The following ANO4 variants were observed in gnomAD, a reference collection of about 807,000 sequenced individuals.
ANO4 encodes anoctamin-4.
ANO4 carries 69 observed loss-of-function variants against 141.9 expected under a neutral mutation model. That is an observed-to-expected ratio of 0.49 (90% CI 0.40 to 0.59). The LOEUF is 0.59. Among genes scored for constraint, ANO4 ranks in the 20% least tolerant of loss-of-function variants. ANO4 has a pLI of 0.00. For missense variants in ANO4, 894 were observed against 1,162.2 expected, an observed-to-expected ratio of 0.77 and a Z score of 3.36; for synonymous variants, 350 against 394.3, an observed-to-expected ratio of 0.89 and a Z score of 1.33.
chr12:100,825,771 TCCTG>T, intron 1 of ANO4, among the ~76,000 whole-genome samples: 3 of 152,216 alleles, frequency 2.0e-5, no homozygotes, highest in African/African-American at 7.2e-5. Context: ...TTAAAAATAT[TCCTG>T]CATATATCTT....
chr12:101,075,098 CA>C (rs1433081443), intron 14 of ANO4, among the ~76,000 whole-genome samples: 1 of 152,092 alleles, frequency 6.6e-6, no homozygotes, highest in Admixed American at 6.6e-5. Context: ...AGGGATGATT[CA>C]GGGGGCGTAG....
At chr12:101,066,973 T>A (rs2048615900) in intron 14 of ANO4, 2 of 677,450 alleles carry the variant, frequency 3.0e-6, no homozygotes, top group Non-Finnish European at 5.5e-6. Flanking sequence ...ACACTCTTCA[T>A]GTACCCTAGA....
At chr12:100,789,946 G>GA (rs1427281903), upstream of ANO4, among the ~76,000 whole-genome samples, 3 of 152,256 alleles carry the variant, frequency 2.0e-5, no homozygotes, top group East Asian at 1.9e-4. Context: ...AAAAAGACGA[G>GA]AAAAAACACT....
chr12:100,898,805 A>G (rs1409762170), intron 1 of ANO4, among the ~76,000 whole-genome samples: 1 of 152,222 alleles, frequency 6.6e-6, no homozygotes, highest in Non-Finnish European at 1.5e-5. Flanking sequence ...TCAGGAGAGC[A>G]GTCTATTTCA....
At chr12:100,826,656 C>G (rs10507118) in intron 1 of ANO4, among the ~76,000 whole-genome samples, 19,004 of 151,992 alleles carry the variant, frequency 0.13, 1,257 homozygotes, top group South Asian at 0.17. Context: ...GTAAATACAA[C>G]TTGTGAATTT....
intron 9 of ANO4, among the ~76,000 whole-genome samples, chr12:101,021,589 G>A (rs563977985): frequency 6.4e-4 from 98 of 152,250 alleles, no homozygotes; most frequent in African/African-American, 2.2e-3. Flanking sequence ...TCAAGCTTTC[G>A]GGTAGGGTGA....
chr12:100,725,626 A>G (rs751401540), intron 1 of ANO4, among the ~76,000 whole-genome samples: 1 of 152,144 alleles, frequency 6.6e-6, no homozygotes, highest in Non-Finnish European at 1.5e-5. Flanking sequence ...GATTATAGGC[A>G]TGAGCCACCA....
At chr12:101,033,043 A>G (rs2047040559) in intron 9 of ANO4, among the ~76,000 whole-genome samples, 1 of 152,190 alleles carries the variant, frequency 6.6e-6, no homozygotes, top group South Asian at 2.1e-4. Context: ...CACTATTCAC[A>G]ATAGCAAAGA....
chr12:100,899,161 C>T (rs966048865), intron 1 of ANO4, among the ~76,000 whole-genome samples: 6 of 152,184 alleles, frequency 3.9e-5, no homozygotes, highest in African/African-American at 1.4e-4. Flanking sequence ...CTATCTCCTA[C>T]GGGGCCACCC....
chr12:100,764,567 C>T (rs140747699), intron 3 of ANO4, among the ~76,000 whole-genome samples: 1 of 152,266 alleles, frequency 6.6e-6, no homozygotes, highest in East Asian at 1.9e-4. Flanking sequence ...CAAGCAATAC[C>T]ATTAACACAT....
intron 2 of ANO4, among the ~76,000 whole-genome samples, chr12:100,904,317 C>T (rs991925223): frequency 6.6e-6 from 1 of 151,892 alleles, no homozygotes; most frequent in Non-Finnish European, 1.5e-5. Context: ...TTAAAGAGAC[C>T]AACTGTGTAA....
chr12:100,998,311 C>T (rs1163900426), intron 8 of ANO4, among the ~76,000 whole-genome samples: 2 of 152,140 alleles, frequency 1.3e-5, no homozygotes, highest in Non-Finnish European at 2.9e-5. Context: ...TCTCCTTGCT[C>T]CTCGGCTTGC....
intron 1 of ANO4, among the ~76,000 whole-genome samples, chr12:100,868,884 G>A (rs2038894327): frequency 6.6e-6 from 1 of 152,162 alleles, no homozygotes; most frequent in African/African-American, 2.4e-5. Context: ...TGATAGTTTT[G>A]TTTGTTTGTT....
chr12:101,070,403 G>C (rs1216462866), intron 14 of ANO4, among the ~76,000 whole-genome samples: 3 of 152,086 alleles, frequency 2.0e-5, no homozygotes, highest in Non-Finnish European at 4.4e-5. Context: ...AAGTTGCCAA[G>C]AATATACATT....
At chr12:101,027,907 A>C (rs535221735) in intron 9 of ANO4, among the ~76,000 whole-genome samples, 1 of 152,242 alleles carries the variant, frequency 6.6e-6, no homozygotes, top group Admixed American at 6.5e-5. Context: ...TACCCTATAC[A>C]GGAGTGATCC....
At chr12:100,780,419 C>T (rs1354776485) in intron 3 of ANO4, among the ~76,000 whole-genome samples, 1 of 152,148 alleles carries the variant, frequency 6.6e-6, no homozygotes, top group Non-Finnish European at 1.5e-5. Flanking sequence ...TGCTGGCTAG[C>T]TGTATTTATA....
At chr12:100,977,302 C>G (rs1173143260) in intron 7 of ANO4, among the ~76,000 whole-genome samples, 1 of 152,178 alleles carries the variant, frequency 6.6e-6, no homozygotes, top group Non-Finnish European at 1.5e-5. Context: ...AGTCCACTAA[C>G]TGTTCTGAGT....
chr12:100,791,511 G>A (rs1308071799), upstream of ANO4, among the ~76,000 whole-genome samples: 3 of 152,170 alleles, frequency 2.0e-5, no homozygotes, highest in Non-Finnish European at 4.4e-5. Flanking sequence ...ATAAGCATTA[G>A]GAATTCATTT....
rs2040997921 is a variant in ANO4 at position 100,909,349 on chromosome 12, C to T, written c.55+7509C>T. Among the ~76,000 whole-genome samples the T allele has an allele frequency of 3.3e-5, 5 of 152,152 alleles. No individual in the cohort carries two copies. The South Asian group carries it at 1.0e-3, about 31-fold the overall frequency. On this transcript the variant is annotated intron_variant, in intron 2 of 27. Coordinates refer to ENST00000392977, the MANE Select transcript of ANO4 (RefSeq NM_001286615.2). ...GACAGTGCTGAGACAAATGATAGGA[C>T]AGAAGACCTCTCTCTTCAGCCTTCA...
Sources: gnomAD v4.1 joint callset for allele counts (sites outside exome capture counted in the v4.1 genomes callset) on GRCh38, gnomAD v4.1.1 for gene constraint, MANE v1.5 for transcripts, NCBI Gene and HGNC (gene_info 2026-07-23, HGNC 2026-07-21) for gene names.